Variants in ESPNL observed in about 807,000 individuals in gnomAD.
The protein encoded by ESPNL is espin-like protein.
ESPNL carries 49 observed loss-of-function variants against 46.8 expected under a neutral mutation model. The observed-to-expected ratio is 1.05, with a 90% CI of 0.83 to 1.33. ESPNL has a LOEUF of 1.33. Ranked by LOEUF, ESPNL falls within the 40% of genes most tolerant of loss-of-function variation. The pLI, the probability that ESPNL is intolerant of heterozygous loss-of-function variation, is 0.00. For missense variants in ESPNL, 1,540 were observed against 1,436.6 expected (o/e 1.07, Z -1.16); for synonymous variants, 664 against 662.1 (o/e 1.00, Z -0.04).
At chr2:238,115,523 G>A (rs1470778445) in intron 4 of ESPNL, among the ~76,000 whole-genome samples, 1 of 152,240 alleles carries the variant, frequency 6.6e-6, no homozygotes, top group Non-Finnish European at 1.5e-5. Flanking sequence ...TGCCACACAC[G>A]ACAGCGTCAC....
chr2:238,127,472 G>T (rs893028168), intron 6 of ESPNL, 150 bp from the exon 7 acceptor site: 1 of 1,392,090 alleles, frequency 7.2e-7, no homozygotes, highest in Non-Finnish European at 9.3e-7. Flanking sequence ...GGGCCCCCGA[G>T]GTGTTCTGGG....
chr2:238,100,587 GCAGCGGGCCCAGCTGCCCGGCAAC>G lies in ESPNL; in HGVS notation c.180_203del (p.Gln60_Ala67del), dbSNP rs749261231. 30 of 1,554,584 alleles carry G rather than the reference GCAGCGGGCCCAGCTGCCCGGCAAC, an allele frequency of 1.9e-5. No homozygotes were observed. The highest frequency in any genetic ancestry group is 9.7e-5 in the Admixed American group (5 of 51,572). Reference sequence around the variant, plus strand: ...ACCTGGACTGCGTCAAGTTCTTGGTGCAGCGGGCCCAGCTGCCCGGCAACCAGCGGGCCCACAACGGGGCCACCC... The same window carrying G: ...ACCTGGACTGCGTCAAGTTCTTGGTGCAGCGGGCCCACAACGGGGCCACCC... On this transcript the variant is annotated inframe_deletion, in exon 1 of 9. Coordinates refer to ENST00000343063, the MANE Select transcript of ESPNL (RefSeq NM_194312.4).
At chr2:238,119,589 G>C (rs1691940671) in intron 5 of ESPNL, among the ~76,000 whole-genome samples, 1 of 149,280 alleles carries the variant, frequency 6.7e-6, no homozygotes, top group Non-Finnish European at 1.5e-5. Context: ...GGATGGAGGA[G>C]GTGGATGGAG....
chr2:238,119,605 GAGC>G (rs1691941720), intron 5 of ESPNL, among the ~76,000 whole-genome samples: 1 of 150,672 alleles, frequency 6.6e-6, no homozygotes, highest in Admixed American at 6.6e-5. Flanking sequence ...TGGAGGAGGG[GAGC>G]TGGAGGAGGG....
intron 5 of ESPNL, 42 bp downstream of exon 5, chr2:238,117,076 T>G: frequency 6.3e-7 from 1 of 1,576,138 alleles, no homozygotes; most frequent in Non-Finnish European, 8.6e-7. Context: ...GCATGGGGGG[T>G]GGGCCCAGAC....
At chr2:238,116,021 G>T (rs1271966884) in intron 4 of ESPNL, among the ~76,000 whole-genome samples, 1 of 152,226 alleles carries the variant, frequency 6.6e-6, no homozygotes, top group Non-Finnish European at 1.5e-5. Flanking sequence ...ACCCAAAGAT[G>T]CTGAGGCCCA....
At chr2:238,115,784 T>G (rs11901532) in intron 4 of ESPNL, among the ~76,000 whole-genome samples, 28,921 of 152,226 alleles carry the variant, frequency 0.19, 3,010 homozygotes, top group African/African-American at 0.27. Context: ...GCAATTCTCC[T>G]GCCTCAGCCT....
rs1347953062 is a variant in ESPNL, at chr2:238,128,897, AGGCCCAGGTAGGCCCCC to A, written c.1410_1413+13del. On this transcript the variant is annotated splice_donor_variant and splice_donor_5th_base_variant and coding_sequence_variant and intron_variant, in exon 8 of 9. Coordinates refer to ENST00000343063, the MANE Select transcript of ESPNL (RefSeq NM_194312.4). LOFTEE classifies it high-confidence loss of function. The stretch of plus-strand genomic sequence containing the variant: ...CGCCTGGGCGCAGAGAGCTCCGCAG[AGGCCCAGGTAGGCCCCC>A]GGCAGGGGCGGGACCAGTGGGCGGG... 1.3e-6 allele frequency: 2 copies of A among 1,537,650 alleles called. No homozygotes were observed. Among genetic ancestry groups the A allele is most frequent in the Admixed American group, 3.9e-5 (2 of 50,848 alleles).
Position 238,131,183 on chromosome 2 carries a change from G to A in ESPNL, c.2469G>A (p.Leu823=). 6.5e-7 allele frequency: 1 copy of A among 1,544,542 alleles called. No individual in the cohort carries two copies. The highest frequency in any genetic ancestry group is 8.7e-7 in the Non-Finnish European group (1 of 1,146,584). The change falls in exon 9 of 9, where the codon CTG becomes CTA. Residue 823 remains leucine (L), a synonymous_variant. Transcript: ENST00000343063. ...TGGCTCACGTGCCCGCCCGGCAGCT[G>A]CGGCGGCTGAGCCGGCAGCCCCGCG... ...AIMAHVPARQ[L]RRLSRQPRGA...
rs114543805 is a variant in ESPNL, at chr2:238,105,611, G to A, written c.672+769G>A. 3.7e-3 allele frequency among the ~76,000 whole-genome samples: 567 copies of A among 152,176 alleles called. 4 individuals carry two copies. The highest frequency in any genetic ancestry group is 0.013 in the African/African-American group (545 of 41,522). ...ACAGGAGGCGGCCGGACAAGGAGTGGGGCCCAAAGCAACTTCCTGAGGGGG... is the reference window on the plus strand; with the variant it reads ...ACAGGAGGCGGCCGGACAAGGAGTGAGGCCCAAAGCAACTTCCTGAGGGGG... On this transcript the variant is annotated intron_variant, in intron 3 of 8. Transcript: ENST00000343063.
At chr2:238,126,437 T>C (rs1692118557) in intron 6 of ESPNL, among the ~76,000 whole-genome samples, 1 of 151,948 alleles carries the variant, frequency 6.6e-6, no homozygotes. Flanking sequence ...TGTGTCTGTG[T>C]CAGTGTGTGA....
At position 238,131,891 on chromosome 2, in the gene ESPNL, G is replaced by C; in HGVS notation, c.*159G>C. ...CTGCGGGACTGTTCTGTTGTGGCAT[G>C]GTTCTCCTCCGAGCTGGGACTCAGA... On this transcript the variant is annotated 3_prime_UTR_variant, in exon 9 of 9. Transcript: ENST00000343063. The C allele has an allele frequency of 1.3e-6, 1 of 780,190 alleles. No homozygotes were observed. Among genetic ancestry groups the C allele is most frequent in the Non-Finnish European group, 2.0e-6 (1 of 493,408 alleles). The allele number at this position is 780,190 out of a possible 1,614,324, so 48.3% of individuals were successfully genotyped here.
intron 8 of ESPNL, 112 bp downstream of exon 8, chr2:238,129,016 C>T (rs771605570): frequency 9.7e-6 from 14 of 1,445,202 alleles, no homozygotes; most frequent in African/African-American, 2.8e-5. Context: ...ACCCAGGGGC[C>T]CCTCTCCTCT....
rs1267503405 is a variant in ESPNL, at chr2:238,119,410, GGATGGAGGAGGGTA to G, written c.987+2389_987+2402del. On this transcript the variant is annotated intron_variant, in intron 5 of 8. Transcript: ENST00000343063. Reference sequence around the variant, plus strand: ...GATGCAGGAGGTGGATGGAGGAGGTGGATGGAGGAGGGTAGATGGAGGAGGGGAGGTGGAGGAGA... The same window carrying G: ...GATGCAGGAGGTGGATGGAGGAGGTGGATGGAGGAGGGGAGGTGGAGGAGA... Among the ~76,000 whole-genome samples the G allele has an allele frequency of 1.5e-4, 20 of 133,112 alleles. 1 individual carries two copies. Among genetic ancestry groups the G allele is most frequent in the African/African-American group, 5.3e-4 (18 of 34,268 alleles). The allele number at this position is 133,112 out of a possible 152,430, so 87.3% of individuals were successfully genotyped here.
Position 238,131,771 on chromosome 2 carries a change from G to A in ESPNL, c.*39G>A, listed in dbSNP as rs1288912933. The A allele has an allele frequency of 1.3e-6, 2 of 1,533,700 alleles. No homozygotes were observed. Among genetic ancestry groups the A allele is most frequent in the Non-Finnish European group, 1.8e-6 (2 of 1,137,980 alleles). ...CTGCTTTCCAGAATGTGGTTTGGGG[G>A]TGACTTGGAGTTTCTCTTTTCTTTT... is the stretch of plus-strand genomic sequence containing the variant. On this transcript the variant is annotated 3_prime_UTR_variant, in exon 9 of 9. Coordinates refer to ENST00000343063, the MANE Select transcript of ESPNL (RefSeq NM_194312.4).
intron 1 of ESPNL, among the ~76,000 whole-genome samples, chr2:238,101,565 T>C (rs190225700): frequency 5.9e-5 from 9 of 152,256 alleles, no homozygotes; most frequent in Non-Finnish European, 1.3e-4. Context: ...GGGAGGGCAC[T>C]GGGGCAGGGG....
intron 8 of ESPNL, chr2:238,129,171 G>A: frequency 7.2e-7 from 1 of 1,387,434 alleles, no homozygotes; most frequent in African/African-American, 1.5e-5. Flanking sequence ...CCTGTGCCAA[G>A]CGTTGTTCTA....
chr2:238,117,017 C>T lies in ESPNL; in HGVS notation c.970C>T (p.Arg324Trp), dbSNP rs370506287. ...ACACCGGGACTGCGCCCAGTACCTG[C>T]GGGAGGTGGCCCAGCCGGTAAGGCT... Reference protein sequence around the residue: ...HGHRDCAQYLREVAQPVPLLM... With the variant: ...HGHRDCAQYLWEVAQPVPLLM... The change falls in exon 5 of 9, where the codon CGG (arginine) becomes TGG (tryptophan). Residue 324 changes from arginine to tryptophan, a missense_variant. By Grantham distance (101) the Arg-to-Trp change is moderately radical (BLOSUM62 -3). Coordinates refer to ENST00000343063, the MANE Select transcript of ESPNL (RefSeq NM_194312.4). 1.6e-4 allele frequency: 265 copies of T among 1,610,912 alleles called. No individual in the cohort carries two copies. The highest frequency in any genetic ancestry group is 2.1e-4 in the Non-Finnish European group (242 of 1,179,254).
chr2:238,114,155 G>A lies in ESPNL; in HGVS notation c.856-2748G>A, dbSNP rs1258829837. 1.3e-5 allele frequency among the ~76,000 whole-genome samples: 2 copies of A among 152,108 alleles called. No homozygotes were observed. Among genetic ancestry groups the A allele is most frequent in the East Asian group, 1.9e-4 (1 of 5,180 alleles). On this transcript the variant is annotated intron_variant, in intron 4 of 8. Transcript: ENST00000343063. This position sits in a 1 kb window ranked among gnomAD's most constrained non-coding sequence, Gnocchi z 5.0. ...TGCACAGACTTCCAGACAGAGTTCT[G>A]TCTGTCACTACCCACCCTCTGCTGA...
Sources: gnomAD v4.1 joint callset for allele counts (sites outside exome capture counted in the v4.1 genomes callset) on GRCh38, gnomAD v4.1.1 for gene constraint, Gnocchi (gnomAD v3.1) non-coding constraint, MANE v1.5 for transcripts, NCBI Gene and HGNC (gene_info 2026-07-23, HGNC 2026-07-21) for gene names.